Variants in TECPR2 observed in about 807,000 individuals in gnomAD.
TECPR2 encodes the protein tectonin beta-propeller repeat-containing protein 2.
A neutral mutation model predicts 138.1 loss-of-function variants in TECPR2; 65 were observed. That is an observed-to-expected ratio of 0.47 (90% CI 0.39 to 0.58). The LOEUF is 0.58. Among genes scored for constraint, TECPR2 ranks in the 20% least tolerant of loss-of-function variants. TECPR2 has a pLI of 0.00. For missense variants in TECPR2, 1,553 were observed against 1,824.5 expected (o/e 0.85, Z 2.71); for synonymous variants, 746 against 749.8 (o/e 0.99, Z 0.08).
chr14:102,462,057 TTA>T (rs1890424065), intron 16 of TECPR2, among the ~76,000 whole-genome samples: 2 of 152,060 alleles, frequency 1.3e-5, no homozygotes, highest in South Asian at 4.1e-4. Flanking sequence ...TAGTAGTCTT[TTA>T]TATGTGTTCT....
In TECPR2 at chr14:102,489,258, C is replaced by G; in HGVS notation, c.3790-7721C>G. ...ACTCCCCATTCCTCCTCCCTCCTCT[C>G]TCCCAGCCTGTAGCAGCTGCTCACC... On this transcript the variant is annotated intron_variant, in intron 17 of 19. Transcript: ENST00000359520. Among the ~76,000 whole-genome samples the G allele has an allele frequency of 1.3e-5, 2 of 152,310 alleles. 1 individual carries two copies. Among genetic ancestry groups the G allele is most frequent in the South Asian group, 4.1e-4 (2 of 4,822 alleles).
rs1595123894 is a variant in TECPR2 at position 102,434,753 on chromosome 14, AACTC to A, written c.1944_1947del (p.Thr649CysfsTer35). 3 of 1,613,524 alleles carry A rather than the reference AACTC, an allele frequency of 1.9e-6. No homozygotes were observed. Among genetic ancestry groups the A allele is most frequent in the Non-Finnish European group, 2.5e-6 (3 of 1,180,026 alleles). On this transcript the variant is annotated frameshift_variant, in exon 9 of 20. Transcript: ENST00000359520. LOFTEE classifies it high-confidence loss of function. ...CACTTTTTGTGAAGTCCCCCTCCTG[AACTC>A]ACTCACTGTGCCTTCCAGCCTCAGC...
chr14:102,417,837 G>A (rs1476981040), intron 5 of TECPR2, among the ~76,000 whole-genome samples: 7 of 150,318 alleles, frequency 4.7e-5, no homozygotes, highest in African/African-American at 9.8e-5. Context: ...CAGGGGAGCC[G>A]TGGGGAGGCT....
intron 2 of TECPR2, among the ~76,000 whole-genome samples, chr14:102,388,337 A>G (rs1888071721): frequency 6.6e-6 from 1 of 152,192 alleles, no homozygotes; most frequent in Non-Finnish European, 1.5e-5. Context: ...TTAGATGTCC[A>G]TTCTCCCTAA....
At chr14:102,407,203 G>C (rs373718396) in intron 2 of TECPR2, 135 bp from the exon 3 acceptor site, 3 of 1,187,686 alleles carry the variant, frequency 2.5e-6, no homozygotes, top group South Asian at 1.9e-5. Flanking sequence ...TTTCTGACTT[G>C]TATACCTTTT....
chr14:102,460,807 G>T (rs1393973264), intron 16 of TECPR2, among the ~76,000 whole-genome samples: 1 of 149,988 alleles, frequency 6.7e-6, no homozygotes, highest in Non-Finnish European at 1.5e-5. Flanking sequence ...CCATCCTCCT[G>T]CCTCAGCCTC....
At chr14:102,387,607 A>T (rs1275764322) in intron 2 of TECPR2, among the ~76,000 whole-genome samples, 1 of 151,836 alleles carries the variant, frequency 6.6e-6, no homozygotes, top group Non-Finnish European at 1.5e-5. Context: ...GCTCACTGCA[A>T]GCTCTGCCTC....
At chr14:102,472,051 G>T (rs1890663741) in intron 17 of TECPR2, among the ~76,000 whole-genome samples, 1 of 152,240 alleles carries the variant, frequency 6.6e-6, no homozygotes, top group South Asian at 2.1e-4. Context: ...AGCGAGATTT[G>T]CAGGATGTGT....
In TECPR2 at chr14:102,419,206, G is replaced by A. The variant is rs1322305901; in HGVS notation, c.638+4413G>A. Among the ~76,000 whole-genome samples, 4 of 152,234 alleles carry A rather than the reference G, an allele frequency of 2.6e-5. No homozygotes were observed. The South Asian group carries it at 6.2e-4, about 24-fold the overall frequency. On this transcript the variant is annotated intron_variant, in intron 5 of 19. Coordinates refer to ENST00000359520, the MANE Select transcript of TECPR2 (RefSeq NM_014844.5). The surrounding 1 kb of genome is among the most constrained non-coding windows in gnomAD (Gnocchi z 4.8). The stretch of plus-strand genomic sequence containing the variant: ...TATGGAGGGACATAGCAGCTGCTGC[G>A]AGACCGGGGGCTGAGGCAGCTTCGA...
At position 102,437,269 on chromosome 14, in the gene TECPR2, G is replaced by A. The variant is rs1018215275; in HGVS notation, c.2395-753G>A. ...TTTTTAAAAGAATTCTAGCAAGGTC[G>A]GGCACAGTGGCTCACGCCTGTAATC... is the stretch of plus-strand genomic sequence containing the variant. On this transcript the variant is annotated intron_variant, in intron 9 of 19. Coordinates refer to ENST00000359520, the MANE Select transcript of TECPR2 (RefSeq NM_014844.5). 18 of 900,698 alleles carry A rather than the reference G, an allele frequency of 2.0e-5. No homozygotes were observed. In the African/African-American group the frequency reaches 2.7e-4, roughly 14 times the overall value. 55.8% of individuals were successfully genotyped at this position (900,698 alleles called of 1,614,324 possible).
intron 16 of TECPR2, among the ~76,000 whole-genome samples, chr14:102,457,883 T>TC (rs1890312629): frequency 6.9e-6 from 1 of 145,954 alleles, no homozygotes; most frequent in Non-Finnish European, 1.5e-5. Context: ...TTTTTTTTTT[T>TC]TTTTTTTGAG....
chr14:102,496,982 G>T lies in TECPR2; in HGVS notation c.3793G>T (p.Ala1265Ser), dbSNP rs140840591. 17 of 1,613,378 alleles carry T rather than the reference G, an allele frequency of 1.1e-5. No homozygotes were observed. Among genetic ancestry groups the T allele is most frequent in the South Asian group, 6.6e-5 (6 of 91,034 alleles). Residue 1265 changes from alanine to serine, a missense_variant, in exon 18 of 20, where the codon GCC becomes TCC. Transcript: ENST00000359520. ...WIMIEPPVQPAGVSLVSVHSS... is the reference protein window; with the variant it reads ...WIMIEPPVQPSGVSLVSVHSS... ...GAAAGTCCCTTCCCGCTTCCAGCCCGCCGGGGTCAGCTTGGTCAGCGTCCA... is the reference window on the plus strand; with the variant it reads ...GAAAGTCCCTTCCCGCTTCCAGCCCTCCGGGGTCAGCTTGGTCAGCGTCCA...
chr14:102,460,790 C>T (rs1890390285), intron 16 of TECPR2, among the ~76,000 whole-genome samples: 1 of 150,996 alleles, frequency 6.6e-6, no homozygotes, highest in South Asian at 2.1e-4. Flanking sequence ...CACCTCCCAG[C>T]TTCACGCCAT....
At chr14:102,437,163 T>C (rs897939509) in intron 9 of TECPR2, 50 of 985,348 alleles carry the variant, frequency 5.1e-5, no homozygotes, top group Admixed American at 6.1e-5. Context: ...TTAACTTCTA[T>C]GTGGGTATCT....
At chr14:102,381,647 G>A (rs1293404089) in intron 2 of TECPR2, among the ~76,000 whole-genome samples, 2 of 152,170 alleles carry the variant, frequency 1.3e-5, no homozygotes, top group Non-Finnish European at 2.9e-5. Context: ...ATCAAGAAAG[G>A]TGAAATGAAA....
In TECPR2 at chr14:102,420,126, AAC is replaced by A. The variant is rs1889139101; in HGVS notation, c.639-4850_639-4849del. ...CCATACATTATGCACAAAATCATAA[AAC>A]ACCATTTTATAGCTAGAATTTGTTA... On this transcript the variant is annotated intron_variant, in intron 5 of 19. Coordinates refer to ENST00000359520, the MANE Select transcript of TECPR2 (RefSeq NM_014844.5). This position sits in a 1 kb window ranked among gnomAD's most constrained non-coding sequence, Gnocchi z 4.1. 6.6e-6 allele frequency among the ~76,000 whole-genome samples: 1 copy of A among 152,180 alleles called. No individual in the cohort carries two copies. The highest frequency in any genetic ancestry group is 1.5e-5 in the Non-Finnish European group (1 of 68,032).
chr14:102,391,407 A>G (rs1888170399), intron 2 of TECPR2, among the ~76,000 whole-genome samples: 1 of 152,134 alleles, frequency 6.6e-6, no homozygotes, highest in Non-Finnish European at 1.5e-5. Context: ...AAAGCTATGA[A>G]TCAAAGCAAG....
chr14:102,417,894 AG>A (rs983920572), intron 5 of TECPR2, among the ~76,000 whole-genome samples: 79 of 151,058 alleles, frequency 5.2e-4, no homozygotes, highest in African/African-American at 1.9e-3. Context: ...ACGGGAGTCC[AG>A]GGGAGCCACG....
At chr14:102,376,569 A>G (rs1049308583) in intron 1 of TECPR2, 81 bp from the exon 2 acceptor site, 1 of 658,524 alleles carries the variant, frequency 1.5e-6, no homozygotes, top group African/African-American at 1.8e-5. Context: ...ACCTGCCTAA[A>G]AGTTCCATGT....
Sources: allele counts gnomAD v4.1 joint callset (sites outside exome capture counted in the v4.1 genomes callset), GRCh38; gene constraint gnomAD v4.1.1; non-coding constraint Gnocchi (gnomAD v3.1); transcripts MANE v1.5; gene names NCBI Gene and HGNC (gene_info 2026-07-23, HGNC 2026-07-21).